The following HTT variants were observed in gnomAD, a reference collection of about 807,000 sequenced individuals.
The protein encoded by HTT is huntingtin, also known as huntington disease protein.
Under a neutral mutation model 362.3 loss-of-function variants are expected in HTT, and 104 were observed. The observed-to-expected ratio is 0.29, with a 90% CI of 0.24 to 0.34. The LOEUF (loss-of-function observed/expected upper bound fraction) is 0.34, where lower values mean the gene tolerates loss of function less well. Among genes scored for constraint, HTT ranks in the 10% least tolerant of loss-of-function variants. The probability of loss-of-function intolerance (pLI) is 1.00; values close to 1 mark genes in which losing one functional copy is unlikely to be tolerated. For synonymous variants in HTT, 1,577 were observed against 1,548.7 expected (o/e 1.02, Z -0.43); for missense variants, 3,301 against 3,928.6 (o/e 0.84, Z 4.27).
At chr4:3,095,108 C>G (rs987631372) in intron 2 of HTT, among the ~76,000 whole-genome samples, 2 of 152,238 alleles carry the variant, frequency 1.3e-5, no homozygotes, top group East Asian at 3.9e-4. Context: ...AAACGCTCCT[C>G]ACTTCCTAGA....
chr4:3,124,244 T>C (rs1715421199), intron 10 of HTT, among the ~76,000 whole-genome samples: 1 of 152,230 alleles, frequency 6.6e-6, no homozygotes, highest in South Asian at 2.1e-4. Context: ...CTTGTTTGTT[T>C]CTTAGTCGCT....
intron 6 of HTT, among the ~76,000 whole-genome samples, chr4:3,107,663 A>G (rs1279476712): frequency 6.6e-6 from 1 of 152,164 alleles, no homozygotes; most frequent in East Asian, 1.9e-4. Flanking sequence ...GCAAATTGAA[A>G]AGGCATTTTT....
intron 18 of HTT, 39 bp downstream of exon 18, chr4:3,132,950 T>A: frequency 7.1e-7 from 1 of 1,399,048 alleles, no homozygotes; most frequent in African/African-American, 1.4e-5. Context: ...CTTCACTTAG[T>A]GGACATTTTA....
chr4:3,242,534 G>C lies in HTT; in HGVS notation c.*2475G>C, dbSNP rs1721853951. ...ACCCGCCAGGTCAAGTTAGCCGCGT[G>C]ACGGACATCCAGGCGTGGGACGTGG... On this transcript the variant is annotated 3_prime_UTR_variant, in exon 67 of 67. Transcript: ENST00000355072. 1 of 152,202 alleles carries C rather than the reference G, an allele frequency of 6.6e-6. No homozygotes were observed. Among genetic ancestry groups the C allele is most frequent in the Non-Finnish European group, 1.5e-5 (1 of 68,050 alleles). The allele number at this position is 152,202 out of a possible 1,614,324, so 9.4% of individuals were successfully genotyped here. A position where few individuals can be genotyped will look rare whatever the true frequency, so the allele number is the denominator to read the frequency against.
intron 6 of HTT, among the ~76,000 whole-genome samples, chr4:3,113,771 G>T (rs1196015775): frequency 6.6e-6 from 1 of 151,976 alleles, no homozygotes; most frequent in Admixed American, 6.6e-5. Flanking sequence ...GCTGGGGGGT[G>T]GGGTAGTCCT....
intron 55 of HTT, 146 bp from the exon 56 acceptor site, chr4:3,223,846 C>T: frequency 2.5e-6 from 2 of 802,454 alleles, no homozygotes; most frequent in Non-Finnish European, 4.1e-6. Flanking sequence ...CTTAAGGGCT[C>T]ACGGACAGGT....
chr4:3,099,233 C>A, intron 2 of HTT, 41 bp from the exon 3 acceptor site: 2 of 1,404,904 alleles, frequency 1.4e-6, no homozygotes, highest in Non-Finnish European at 2.0e-6. Context: ...GTCATGTCAC[C>A]TTAGGCTCCT....
In HTT at chr4:3,209,962, C is replaced by T; in HGVS notation, c.6414+13C>T. On this transcript the variant is annotated intron_variant, in intron 47 of 66. Transcript: ENST00000355072. ...CATGATGAACTCGGTACGGGGGGAGCAGTGGAGGCAAGGAATCCTCAGCTT... is the reference window on the plus strand; with the variant it reads ...CATGATGAACTCGGTACGGGGGGAGTAGTGGAGGCAAGGAATCCTCAGCTT... The T allele has an allele frequency of 1.2e-6, 2 of 1,612,348 alleles. No homozygotes were observed. Among genetic ancestry groups the T allele is most frequent in the Non-Finnish European group, 1.7e-6 (2 of 1,178,942 alleles).
chr4:3,181,001 C>T (rs192515726), intron 36 of HTT, among the ~76,000 whole-genome samples: 1 of 151,572 alleles, frequency 6.6e-6, no homozygotes, highest in Admixed American at 6.6e-5. Context: ...CTCCACCTCC[C>T]GAGTAGCTGG....
At position 3,145,332 on chromosome 4, in the gene HTT, T is replaced by C. The variant is rs1474001199; in HGVS notation, c.3143+104T>C. 4 of 835,448 alleles carry C rather than the reference T, an allele frequency of 4.8e-6. No individual in the cohort carries two copies. The East Asian group carries it at 9.7e-5, about 20-fold the overall frequency. 51.8% of individuals were successfully genotyped at this position (835,448 alleles called of 1,614,324 possible). A position where few individuals can be genotyped will look rare whatever the true frequency, so the allele number is the denominator to read the frequency against. ...CTTTCTTTTTAAGTCTTTTATCAAT[T>C]TGGCTTTTTGGAAAAATATCTGATG... On this transcript the variant is annotated intron_variant, in intron 24 of 66. Transcript: ENST00000355072.
Position 3,140,647 on chromosome 4 carries a change from C to T in HTT, c.2936C>T (p.Thr979Ile). 2 of 1,613,996 alleles carry T rather than the reference C, an allele frequency of 1.2e-6. No individual in the cohort carries two copies. The highest frequency in any genetic ancestry group is 1.7e-6 in the Non-Finnish European group (2 of 1,179,876). Reference protein sequence around the residue: ...TQPPSHFSVSTITRIYRGYNL... With the variant: ...TQPPSHFSVSIITRIYRGYNL... ...CCTCCATCTCATTTCTCCGTCAGCA[C>T]AATAACCAGGTATGCTGACCCAGTG... Residue 979 changes from threonine (T) to isoleucine (I), a missense_variant, in exon 22 of 67, where the codon ACA (threonine) becomes ATA (isoleucine). Transcript: ENST00000355072.
intron 42 of HTT, among the ~76,000 whole-genome samples, chr4:3,205,541 T>G (rs1367715777): frequency 6.6e-6 from 1 of 152,174 alleles, no homozygotes; most frequent in East Asian, 1.9e-4. Context: ...AAAAAGATAC[T>G]AATTTTATAA....
At chr4:3,102,419 G>C (rs1467900561) in intron 3 of HTT, among the ~76,000 whole-genome samples, 1 of 152,212 alleles carries the variant, frequency 6.6e-6, no homozygotes, top group African/African-American at 2.4e-5. Context: ...GTTTGATAAG[G>C]CTTCTAGTTT....
At chr4:3,221,055 A>G (rs1720650438) in intron 53 of HTT, among the ~76,000 whole-genome samples, 1 of 152,168 alleles carries the variant, frequency 6.6e-6, no homozygotes, top group South Asian at 2.1e-4. Context: ...GACTGTAATC[A>G]GTCAGTTCTC....
chr4:3,236,080 C>A, intron 63 of HTT, 69 bp from the exon 64 acceptor site: 1 of 1,132,370 alleles, frequency 8.8e-7, no homozygotes, highest in Non-Finnish European at 1.4e-6. Context: ...CCCCTGTGTA[C>A]AAAGCACTGT....
chr4:3,108,125 G>C (rs748097825), intron 6 of HTT, among the ~76,000 whole-genome samples: 1 of 152,152 alleles, frequency 6.6e-6, no homozygotes, highest in Non-Finnish European at 1.5e-5. Context: ...AAGCCTTAAT[G>C]GGACCCATAT....
chr4:3,129,400 A>G (rs1343176119), intron 12 of HTT: 2 of 153,228 alleles, frequency 1.3e-5, no homozygotes, highest in East Asian at 3.8e-4. Flanking sequence ...CTGGTAGTCC[A>G]TTGTTCAGTT....
intron 57 of HTT, among the ~76,000 whole-genome samples, chr4:3,227,878 C>G (rs1458771709): frequency 6.6e-6 from 1 of 152,174 alleles, no homozygotes; most frequent in Non-Finnish European, 1.5e-5. Context: ...GACTGAGCCG[C>G]TACTTGCTTT....
Position 3,075,014 on chromosome 4 carries a change from TCAGCCG to T in HTT, c.197_202del (p.Gln66_Pro67del). 7.7e-7 allele frequency: 1 copy of T among 1,302,002 alleles called. No homozygotes were observed. Among genetic ancestry groups the T allele is most frequent in the East Asian group, 3.2e-5 (1 of 31,676 alleles). 80.7% of individuals were successfully genotyped at this position (1,302,002 alleles called of 1,614,324 possible). On this transcript the variant is annotated inframe_deletion, in exon 1 of 67. Coordinates refer to ENST00000355072, the MANE Select transcript of HTT (RefSeq NM_001388492.1). ...CGCCGCAGGCACAGCCGCTGCTGCC[TCAGCCG>T]CAGCCGCCCCCGCCGCCGCCCCCGC...
Sources: allele counts gnomAD v4.1 joint callset (sites outside exome capture counted in the v4.1 genomes callset), GRCh38; gene constraint gnomAD v4.1.1; transcripts MANE v1.5; gene names NCBI Gene and HGNC (gene_info 2026-07-23, HGNC 2026-07-21).